Variants in AHCYL2 observed in about 807,000 individuals in gnomAD.
AHCYL2 encodes adenosylhomocysteinase like 2.
A neutral mutation model predicts 81.4 loss-of-function variants in AHCYL2; 28 were observed. That is an observed-to-expected ratio of 0.34 (90% CI 0.25 to 0.47). The LOEUF (loss-of-function observed/expected upper bound fraction) is 0.47. Ranked by LOEUF, AHCYL2 falls within the 20% of genes least tolerant of loss-of-function variation. AHCYL2 has a pLI of 1.00. For synonymous variants in AHCYL2, 272 were observed against 290.2 expected (o/e 0.94, Z 0.64); for missense variants, 551 against 785.1 (o/e 0.70, Z 3.56).
At chr7:129,315,391 T>A (rs1797797164) in intron 1 of AHCYL2, among the ~76,000 whole-genome samples, 1 of 152,162 alleles carries the variant, frequency 6.6e-6, no homozygotes, top group Non-Finnish European at 1.5e-5. Flanking sequence ...CCTTTCCTGT[T>A]ATACTCCAGC....
intron 2 of AHCYL2, chr7:129,387,992 C>T (rs1387221374): frequency 1.3e-5 from 2 of 152,172 alleles, no homozygotes; most frequent in East Asian, 3.9e-4. Context: ...GAGGTAGACC[C>T]TTTGCTAAGA....
rs59359128 is a variant in AHCYL2, at chr7:129,304,594, C to T, written c.364-75044C>T. On this transcript the variant is annotated intron_variant, in intron 1 of 16. Coordinates refer to ENST00000325006, the MANE Select transcript of AHCYL2 (RefSeq NM_015328.4). The stretch of plus-strand genomic sequence containing the variant: ...GGTACATATATATTTAAAATGGCTA[C>T]ATCTTCTTGCTGAATTAACCCCTTT... Among the ~76,000 whole-genome samples, 517 of 152,278 alleles carry T rather than the reference C, an allele frequency of 3.4e-3. 1 individual carries two copies. The highest frequency in any genetic ancestry group is 0.012 in the African/African-American group (500 of 41,564).
chr7:129,333,331 T>C (rs1466301423), intron 1 of AHCYL2, among the ~76,000 whole-genome samples: 125 of 133,592 alleles, frequency 9.4e-4, no homozygotes, highest in African/African-American at 3.8e-3. Flanking sequence ...AAAAAAAAAA[T>C]TTTTTTTTAA....
chr7:129,249,356 C>T (rs1795168980), intron 1 of AHCYL2, among the ~76,000 whole-genome samples: 1 of 152,042 alleles, frequency 6.6e-6, no homozygotes, highest in African/African-American at 2.4e-5. Flanking sequence ...ACAATATTAC[C>T]ATTACCACTA....
At chr7:129,251,284 C>T in intron 1 of AHCYL2, among the ~76,000 whole-genome samples, 1 of 142,338 alleles carries the variant, frequency 7.0e-6, no homozygotes, top group East Asian at 2.1e-4. Context: ...GTGTCTTGTT[C>T]ACTGTATTGT....
At chr7:129,329,368 A>C (rs1473134767) in intron 1 of AHCYL2, among the ~76,000 whole-genome samples, 1 of 151,718 alleles carries the variant, frequency 6.6e-6, no homozygotes, top group Non-Finnish European at 1.5e-5. Context: ...TTTTTTGTAC[A>C]AATAAGGTCT....
intron 2 of AHCYL2, among the ~76,000 whole-genome samples, chr7:129,380,539 A>G (rs918208668): frequency 1.3e-5 from 2 of 152,240 alleles, no homozygotes; most frequent in Non-Finnish European, 2.9e-5. Context: ...TCGTACAAAT[A>G]GGAAAGTAAT....
At chr7:129,231,081 A>C (rs1284200288) in intron 1 of AHCYL2, among the ~76,000 whole-genome samples, 2 of 152,124 alleles carry the variant, frequency 1.3e-5, no homozygotes, top group Non-Finnish European at 2.9e-5. Flanking sequence ...AAATACAAAA[A>C]ATTAGCTGGG....
At chr7:129,356,438 T>C (rs1363789015) in intron 1 of AHCYL2, among the ~76,000 whole-genome samples, 1 of 152,184 alleles carries the variant, frequency 6.6e-6, no homozygotes, top group East Asian at 1.9e-4. Context: ...CCCCTGTAAT[T>C]GATGTCATCT....
chr7:129,299,287 A>AC (rs71162591), intron 1 of AHCYL2, among the ~76,000 whole-genome samples: 2 of 149,630 alleles, frequency 1.3e-5, no homozygotes, highest in African/African-American at 2.4e-5. Flanking sequence ...TACCAAAAAA[A>AC]AAAAAACAAA....
intron 1 of AHCYL2, among the ~76,000 whole-genome samples, chr7:129,321,772 G>GTTTTTTTTTTTT (rs1217148394): frequency 1.8e-4 from 21 of 114,378 alleles, no homozygotes; most frequent in Admixed American, 3.9e-4. Flanking sequence ...TTTGGTCTTG[G>GTTTTTTTTTTTT]TTTTGTTTTT....
At chr7:129,231,827 A>G (rs1794452500) in intron 1 of AHCYL2, among the ~76,000 whole-genome samples, 1 of 152,148 alleles carries the variant, frequency 6.6e-6, no homozygotes, top group Non-Finnish European at 1.5e-5. Flanking sequence ...ATTAAATTAG[A>G]TGATTATTTG....
At chr7:129,388,550 C>T (rs748134133) in intron 2 of AHCYL2, among the ~76,000 whole-genome samples, 14 of 152,078 alleles carry the variant, frequency 9.2e-5, no homozygotes, top group Admixed American at 2.0e-4. Context: ...CATCAGAGTC[C>T]GTCTTAAAAA....
intron 1 of AHCYL2, among the ~76,000 whole-genome samples, chr7:129,239,601 C>G (rs977251228): frequency 6.6e-6 from 1 of 152,030 alleles, no homozygotes; most frequent in African/African-American, 2.4e-5. Context: ...GCCCAAGCCA[C>G]TGTGCCCAGC....
At chr7:129,393,180 G>A (rs536463704) in intron 4 of AHCYL2, among the ~76,000 whole-genome samples, 2 of 152,324 alleles carry the variant, frequency 1.3e-5, no homozygotes, top group African/African-American at 2.4e-5. Context: ...ACTTTGGGAC[G>A]TCAAGGTTGG....
chr7:129,284,247 G>A (rs1796546480), intron 1 of AHCYL2, among the ~76,000 whole-genome samples: 2 of 152,176 alleles, frequency 1.3e-5, no homozygotes, highest in Non-Finnish European at 2.9e-5. Context: ...TCTTCTCAGA[G>A]AGGAAGGACA....
chr7:129,424,589 G>C, intron 13 of AHCYL2: 1 of 483,288 alleles, frequency 2.1e-6, no homozygotes, highest in Non-Finnish European at 3.8e-6. Flanking sequence ...TTCAAGAGAA[G>C]TACACTGATA....
intron 1 of AHCYL2, among the ~76,000 whole-genome samples, chr7:129,267,479 A>G (rs1348905261): frequency 6.6e-6 from 1 of 151,760 alleles, no homozygotes; most frequent in Non-Finnish European, 1.5e-5. Flanking sequence ...TAATTTTTGT[A>G]TTTTTAGTAG....
At chr7:129,384,005 A>G (rs1795087448) in intron 2 of AHCYL2, among the ~76,000 whole-genome samples, 1 of 152,196 alleles carries the variant, frequency 6.6e-6, no homozygotes, top group Non-Finnish European at 1.5e-5. Context: ...CACCACAAAG[A>G]AATGATAGGG....
Sources: allele counts gnomAD v4.1 joint callset (sites outside exome capture counted in the v4.1 genomes callset), GRCh38; gene constraint gnomAD v4.1.1; transcripts MANE v1.5; gene names NCBI Gene and HGNC (gene_info 2026-07-23, HGNC 2026-07-21).